Variants in TANC1 observed in about 807,000 individuals in gnomAD.
TANC1 encodes the protein protein TANC1.
A neutral mutation model predicts 149.7 loss-of-function variants in TANC1; 77 were observed. That is an observed-to-expected ratio of 0.51 (90% CI 0.43 to 0.62). TANC1 has a LOEUF of 0.62. Among genes scored for constraint, TANC1 ranks in the 20% least tolerant of loss-of-function variants. TANC1 has a pLI of 0.00. For synonymous variants in TANC1, 854 were observed against 925.0 expected, an observed-to-expected ratio of 0.92 and a Z score of 1.39; for missense variants, 1,985 against 2,321.8, an observed-to-expected ratio of 0.85 and a Z score of 2.98.
In TANC1 at chr2:159,179,050, C is replaced by A. The variant is rs772486924; in HGVS notation, c.2397C>A (p.Ser799=). 1 of 1,614,034 alleles carries A rather than the reference C, an allele frequency of 6.2e-7. No individual in the cohort carries two copies. Among genetic ancestry groups the A allele is most frequent in the African/African-American group, 1.3e-5 (1 of 75,020 alleles). ...TTCAGCAGAGGATGGACGCCCTCTC[C>A]TGCTTCCTCATTAAGAGGCGAGACA... ...EDFQQRMDAL[S]CFLIKRRDKT... is the part of the protein sequence containing the mutation. Residue 799 remains serine, a synonymous_variant, in exon 14 of 27, where the codon TCC becomes TCA. Transcript: ENST00000263635.
intron 2 of TANC1, among the ~76,000 whole-genome samples, chr2:159,018,424 C>T (rs1314727097): frequency 6.6e-6 from 1 of 152,138 alleles, no homozygotes; most frequent in African/African-American, 2.4e-5. Flanking sequence ...ATAATTCTAG[C>T]AAACAGTAGC....
At chr2:159,071,171 G>T (rs2043128948) in intron 3 of TANC1, among the ~76,000 whole-genome samples, 1 of 152,114 alleles carries the variant, frequency 6.6e-6, no homozygotes, top group Non-Finnish European at 1.5e-5. Context: ...TTCAGTATTG[G>T]TGAGGAAGTA....
chr2:159,185,042 C>A (rs1467866359), intron 14 of TANC1, among the ~76,000 whole-genome samples: 1 of 152,196 alleles, frequency 6.6e-6, no homozygotes, highest in Admixed American at 6.5e-5. Context: ...TTTATCTTTT[C>A]CTCCCTCCAC....
chr2:159,204,007 A>G (rs2058436712), intron 19 of TANC1, among the ~76,000 whole-genome samples: 1 of 152,230 alleles, frequency 6.6e-6, no homozygotes, highest in South Asian at 2.1e-4. Context: ...TTTGTCCAGC[A>G]TGGTAGCTAC....
chr2:159,032,165 T>A (rs2149482807), intron 2 of TANC1, among the ~76,000 whole-genome samples: 1 of 152,346 alleles, frequency 6.6e-6, no homozygotes, highest in South Asian at 2.1e-4. Context: ...CAAAGAAGTT[T>A]ATAATCTGGT....
chr2:159,122,780 GCA>G (rs1354275215), intron 4 of TANC1, among the ~76,000 whole-genome samples: 2 of 89,460 alleles, frequency 2.2e-5, no homozygotes, highest in Non-Finnish European at 5.3e-5. Flanking sequence ...TTTTTTTTTT[GCA>G]GAGTAATACT....
intron 1 of TANC1, among the ~76,000 whole-genome samples, chr2:158,974,947 C>G (rs1251387150): frequency 8.4e-6 from 1 of 118,834 alleles, no homozygotes; most frequent in Non-Finnish European, 1.6e-5. Context: ...CAGGGTCTTA[C>G]TATGAGACCA....
At chr2:159,145,495 A>G (rs1212261467) in intron 5 of TANC1, among the ~76,000 whole-genome samples, 1 of 152,218 alleles carries the variant, frequency 6.6e-6, no homozygotes, top group Non-Finnish European at 1.5e-5. Context: ...TTCAGTACCC[A>G]AAAGGATCTG....
At chr2:159,141,364 G>C (rs1405969361) in intron 5 of TANC1, among the ~76,000 whole-genome samples, 3 of 152,172 alleles carry the variant, frequency 2.0e-5, no homozygotes, top group African/African-American at 7.2e-5. Context: ...CTACGGTTAA[G>C]AATGATTAAA....
At chr2:159,018,646 T>G (rs903306576) in intron 2 of TANC1, among the ~76,000 whole-genome samples, 1 of 152,190 alleles carries the variant, frequency 6.6e-6, no homozygotes, top group African/African-American at 2.4e-5. Context: ...ACAATAACTT[T>G]CCATTTCTCC....
intron 3 of TANC1, among the ~76,000 whole-genome samples, chr2:159,082,470 T>C (rs2044377205): frequency 6.6e-6 from 1 of 152,230 alleles, no homozygotes; most frequent in South Asian, 2.1e-4. Context: ...TTCTATACCA[T>C]TTTGGCTTGC....
chr2:159,038,980 T>G (rs1559159451), intron 2 of TANC1, among the ~76,000 whole-genome samples: 1 of 152,218 alleles, frequency 6.6e-6, no homozygotes, highest in Non-Finnish European at 1.5e-5. Context: ...CGTCTGGTCC[T>G]GGACTTTTTT....
chr2:159,216,555 C>T (rs770943683), intron 19 of TANC1, among the ~76,000 whole-genome samples: 27 of 152,130 alleles, frequency 1.8e-4, no homozygotes, highest in Non-Finnish European at 3.2e-4. Flanking sequence ...AGCAACTCTT[C>T]GAACTACACC....
intron 4 of TANC1, among the ~76,000 whole-genome samples, chr2:159,101,821 A>T (rs1260837660): frequency 6.6e-6 from 1 of 152,190 alleles, no homozygotes; most frequent in Non-Finnish European, 1.5e-5. Context: ...TCAAAACATC[A>T]TGAATGAATG....
At chr2:159,144,461 C>T (rs1037899928) in intron 5 of TANC1, among the ~76,000 whole-genome samples, 4 of 152,166 alleles carry the variant, frequency 2.6e-5, no homozygotes, top group Admixed American at 6.5e-5. Flanking sequence ...CTGTGACCTC[C>T]GCCTCCTGGG....
At chr2:159,145,059 A>C (rs2051910019) in intron 5 of TANC1, among the ~76,000 whole-genome samples, 1 of 152,170 alleles carries the variant, frequency 6.6e-6, no homozygotes, top group Non-Finnish European at 1.5e-5. Context: ...TGGAGTGATA[A>C]TACTTGGTGA....
At chr2:159,152,436 G>A (rs1011793563) in intron 7 of TANC1, among the ~76,000 whole-genome samples, 11 of 150,784 alleles carry the variant, frequency 7.3e-5, no homozygotes, top group Admixed American at 7.3e-4. Flanking sequence ...CTGGCCATTG[G>A]CATTACATGC....
intron 2 of TANC1, among the ~76,000 whole-genome samples, chr2:159,040,097 A>G (rs558079401): frequency 1.3e-5 from 2 of 152,286 alleles, no homozygotes; most frequent in South Asian, 4.1e-4. Flanking sequence ...TCCCTTTACC[A>G]TTATGTAATG....
At chr2:159,219,503 A>G in intron 21 of TANC1, 142 bp downstream of exon 21, 2 of 1,318,364 alleles carry the variant, frequency 1.5e-6, no homozygotes, top group Non-Finnish European at 2.1e-6. Flanking sequence ...AATAGGCAAC[A>G]CAGCCACATG....
Sources: allele counts gnomAD v4.1 joint callset (sites outside exome capture counted in the v4.1 genomes callset), GRCh38; gene constraint gnomAD v4.1.1; transcripts MANE v1.5; gene names NCBI Gene and HGNC (gene_info 2026-07-23, HGNC 2026-07-21).